The following DENND1B variants were observed in gnomAD, a reference collection of about 807,000 sequenced individuals.
DENND1B encodes the protein DENN domain-containing protein 1B.
In DENND1B, 59 loss-of-function variants were observed where a neutral mutation model predicts 90.1. That is an observed-to-expected ratio of 0.65 (90% CI 0.53 to 0.81). The LOEUF is 0.81. Ranked by LOEUF, DENND1B falls within the 40% of genes least tolerant of loss-of-function variation. DENND1B has a pLI of 0.00. For synonymous variants in DENND1B, 337 were observed against 324.6 expected (o/e 1.04, Z -0.41); for missense variants, 862 against 912.6 (o/e 0.94, Z 0.71).
intron 2 of DENND1B, among the ~76,000 whole-genome samples, chr1:197,755,204 C>T (rs1654119267): frequency 6.6e-6 from 1 of 152,120 alleles, no homozygotes; most frequent in Non-Finnish European, 1.5e-5. Context: ...TTCAAGTCTG[C>T]CAGTTATATG....
At chr1:197,751,435 T>C (rs942181883) in intron 2 of DENND1B, among the ~76,000 whole-genome samples, 1 of 152,100 alleles carries the variant, frequency 6.6e-6, no homozygotes, top group African/African-American at 2.4e-5. Context: ...AAACACTGCT[T>C]AAAAGTCAAT....
chr1:197,634,709 C>T lies in DENND1B; in HGVS notation c.672+8002G>A, dbSNP rs555700232. ...CCTACACAGAAATTAGTGCCTAGGC[C>T]GGGCACAGTAGCTCACGCCTGTGAT... is the stretch of plus-strand genomic sequence containing the variant. On this transcript the variant is annotated intron_variant, in intron 10 of 22. Transcript: ENST00000620048. Among the ~76,000 whole-genome samples, 282 of 152,260 alleles carry T rather than the reference C, an allele frequency of 1.9e-3. 1 individual carries two copies. The highest frequency in any genetic ancestry group is 3.3e-3 in the Non-Finnish European group (225 of 68,012).
intron 3 of DENND1B, among the ~76,000 whole-genome samples, chr1:197,702,769 T>C (rs1659164740): frequency 6.6e-6 from 1 of 152,172 alleles, no homozygotes; most frequent in African/African-American, 2.4e-5. Context: ...TGACTGAAAG[T>C]TCTCAATCAT....
intron 20 of DENND1B, among the ~76,000 whole-genome samples, chr1:197,529,873 C>T (rs12120143): frequency 0.014 from 2,145 of 152,196 alleles, 18 homozygotes; most frequent in Non-Finnish European, 0.022. Context: ...TGACCAGTGG[C>T]TATATTCTCA....
chr1:197,580,473 C>T, intron 15 of DENND1B, among the ~76,000 whole-genome samples: 1 of 151,896 alleles, frequency 6.6e-6, no homozygotes, highest in East Asian at 1.9e-4. Flanking sequence ...GGAATTTTAG[C>T]TGGAAGAATT....
intron 2 of DENND1B, among the ~76,000 whole-genome samples, chr1:197,736,928 G>C (rs1270412754): frequency 6.6e-6 from 1 of 152,124 alleles, no homozygotes; most frequent in East Asian, 1.9e-4. Context: ...GTCTCTTTGA[G>C]ACTACTTCAT....
At chr1:197,597,422 T>C (rs867385149) in intron 13 of DENND1B, among the ~76,000 whole-genome samples, 66 of 151,614 alleles carry the variant, frequency 4.4e-4, no homozygotes, top group African/African-American at 1.5e-3. Flanking sequence ...ATTTTTACTT[T>C]AGAAAATAAA....
At chr1:197,639,438 T>C (rs909782538) in intron 10 of DENND1B, among the ~76,000 whole-genome samples, 2 of 152,062 alleles carry the variant, frequency 1.3e-5, no homozygotes, top group Non-Finnish European at 2.9e-5. Context: ...CTAATGAGAG[T>C]GTCACCACTA....
chr1:197,716,212 G>A (rs1660630942), intron 2 of DENND1B, among the ~76,000 whole-genome samples: 2 of 151,562 alleles, frequency 1.3e-5, no homozygotes, highest in African/African-American at 4.8e-5. Context: ...AGCATGAGCT[G>A]GCTCCTCTTG....
chr1:197,750,625 T>C (rs1203757105), intron 2 of DENND1B, among the ~76,000 whole-genome samples: 2 of 147,472 alleles, frequency 1.4e-5, no homozygotes, highest in African/African-American at 2.5e-5. Flanking sequence ...GATATAGACA[T>C]AGTTTAGACA....
At chr1:197,719,653 T>C (rs895847059) in intron 2 of DENND1B, among the ~76,000 whole-genome samples, 1 of 152,178 alleles carries the variant, frequency 6.6e-6, no homozygotes, top group African/African-American at 2.4e-5. Context: ...CAACATGGCA[T>C]TTAATGGCAG....
chr1:197,591,360 A>G (rs1054350122), intron 14 of DENND1B, among the ~76,000 whole-genome samples: 3 of 152,232 alleles, frequency 2.0e-5, no homozygotes, highest in African/African-American at 7.2e-5. Context: ...TCTGATAAAC[A>G]TAAATTATAT....
At chr1:197,693,715 T>C (rs1296989498) in intron 3 of DENND1B, among the ~76,000 whole-genome samples, 4 of 151,620 alleles carry the variant, frequency 2.6e-5, no homozygotes, top group African/African-American at 7.2e-5. Context: ...CATCTTTTCA[T>C]CAGTTTCTCC....
At position 197,510,559 on chromosome 1, in the gene DENND1B, A is replaced by C. The variant is rs769258926; in HGVS notation, c.2229T>G (p.Ile743Met). ...ATGACACTACTTCATGGAGCAGTCC[A>C]ATATCTTCTGAAGTCTCTTTGGCTT... ...GKEAKETSED[I>M]GLLHEVVSLC... Residue 743 changes from isoleucine (I) to methionine (M), a missense_variant, in exon 23 of 23, where the codon ATT becomes ATG. Coordinates refer to ENST00000620048, the MANE Select transcript of DENND1B (RefSeq NM_001195215.2). 18 of 1,612,586 alleles carry C rather than the reference A, an allele frequency of 1.1e-5. No homozygotes were observed. In the East Asian group the frequency reaches 1.6e-4, roughly 14 times the overall value.
At chr1:197,763,357 A>G (rs1655334186) in intron 2 of DENND1B, among the ~76,000 whole-genome samples, 1 of 152,220 alleles carries the variant, frequency 6.6e-6, no homozygotes, top group Non-Finnish European at 1.5e-5. Flanking sequence ...CTTTTAAAAG[A>G]AAGGAATTTA....
chr1:197,740,945 C>T (rs1663154425), intron 2 of DENND1B, among the ~76,000 whole-genome samples: 1 of 152,026 alleles, frequency 6.6e-6, no homozygotes, highest in South Asian at 2.1e-4. Context: ...GAGTGAAAAG[C>T]AAAGCTAACA....
intron 14 of DENND1B, among the ~76,000 whole-genome samples, chr1:197,588,679 A>G (rs964133358): frequency 6.6e-6 from 1 of 152,150 alleles, no homozygotes; most frequent in Non-Finnish European, 1.5e-5. Flanking sequence ...GAATGTTCAA[A>G]TATTTGCAGA....
chr1:197,528,721 G>C (rs921094577), intron 20 of DENND1B, among the ~76,000 whole-genome samples: 15 of 151,202 alleles, frequency 9.9e-5, no homozygotes, highest in East Asian at 9.8e-4. Context: ...TTAGCCGGGC[G>C]TAGTGGCGGG....
chr1:197,670,524 G>A lies in DENND1B; in HGVS notation c.296+1513C>T, dbSNP rs187188251. 6.3e-3 allele frequency among the ~76,000 whole-genome samples: 952 copies of A among 150,398 alleles called. 16 individuals are homozygous for A. Among genetic ancestry groups the A allele is most frequent in the Non-Finnish European group, 7.8e-3 (526 of 67,554 alleles). ...GAAGAGTAGGGGAGAGGGGGAGAGA[G>A]GAAGAGAAATGCATGCTAACAACTT... On this transcript the variant is annotated intron_variant, in intron 5 of 22. Coordinates refer to ENST00000620048, the MANE Select transcript of DENND1B (RefSeq NM_001195215.2).
Sources: gnomAD v4.1 joint callset for allele counts (sites outside exome capture counted in the v4.1 genomes callset) on GRCh38, gnomAD v4.1.1 for gene constraint, MANE v1.5 for transcripts, NCBI Gene and HGNC (gene_info 2026-07-23, HGNC 2026-07-21) for gene names.